Variants in CARF observed in about 807,000 individuals in gnomAD.
CARF encodes calcium responsive transcription factor, also known as calcium-responsive transcription factor.
CARF carries 57 observed loss-of-function variants against 82.0 expected under a neutral mutation model. The observed-to-expected ratio is 0.70, with a 90% CI of 0.56 to 0.87. The LOEUF is 0.87. Among genes scored for constraint, CARF ranks in the 40% least tolerant of loss-of-function variants. The probability of loss-of-function intolerance (pLI) is 0.00; values close to 1 mark genes in which losing one functional copy is unlikely to be tolerated. For synonymous variants in CARF, 268 were observed against 290.1 expected (o/e 0.92, Z 0.77); for missense variants, 771 against 855.8 (o/e 0.90, Z 1.24).
At chr2:202,942,244 G>GGT (rs2058263116) in intron 4 of CARF, among the ~76,000 whole-genome samples, 1 of 151,654 alleles carries the variant, frequency 6.6e-6, no homozygotes, top group Non-Finnish European at 1.5e-5. Context: ...CGTGGTGGTG[G>GGT]GTGCCTGTAA....
chr2:202,916,121 G>T (rs1689591099), intron 1 of CARF, among the ~76,000 whole-genome samples: 1 of 151,846 alleles, frequency 6.6e-6, no homozygotes, highest in Admixed American at 6.6e-5. Flanking sequence ...ACCTCTAAAA[G>T]ATGCGGTAAA....
intron 4 of CARF, among the ~76,000 whole-genome samples, chr2:202,942,335 C>G (rs1302818148): frequency 2.0e-5 from 3 of 151,048 alleles, no homozygotes; most frequent in African/African-American, 7.3e-5. Flanking sequence ...GATCACGCCA[C>G]TGCACTCCTG....
chr2:202,974,665 G>A (rs1354887108), intron 13 of CARF, among the ~76,000 whole-genome samples, 169 bp downstream of exon 13: 1 of 152,158 alleles, frequency 6.6e-6, no homozygotes, highest in African/African-American at 2.4e-5. Flanking sequence ...TTGGGAGGCC[G>A]AGACGGGTGG....
chr2:202,935,997 A>G (rs1281150466), intron 3 of CARF, among the ~76,000 whole-genome samples: 1 of 151,826 alleles, frequency 6.6e-6, no homozygotes, highest in African/African-American at 2.4e-5. Flanking sequence ...GTTTTTATTA[A>G]GTTTCTTGTA....
chr2:202,952,479 T>C, intron 5 of CARF, 80 bp from the exon 6 acceptor site: 1 of 1,335,262 alleles, frequency 7.5e-7, no homozygotes, highest in South Asian at 1.4e-5. Flanking sequence ...GGTATGTGTT[T>C]AATAATTTAT....
At chr2:202,975,047 G>C (rs374370014) in intron 13 of CARF, among the ~76,000 whole-genome samples, 3 of 151,474 alleles carry the variant, frequency 2.0e-5, no homozygotes, top group Non-Finnish European at 4.4e-5. Flanking sequence ...ACAGTGGCTT[G>C]TGCCTGTAAT....
chr2:202,916,984 G>A (rs991918921), intron 1 of CARF, among the ~76,000 whole-genome samples: 4 of 152,068 alleles, frequency 2.6e-5, no homozygotes, highest in Non-Finnish European at 5.9e-5. Flanking sequence ...GCCGAGGCGG[G>A]CGGATCACGA....
intron 3 of CARF, chr2:202,926,048 G>T: frequency 6.2e-6 from 1 of 161,472 alleles, no homozygotes; most frequent in South Asian, 1.7e-4. Context: ...GAAGAGGATC[G>T]AGATCCACAA....
Position 202,970,015 on chromosome 2 carries a change from T to G in CARF, c.1050T>G (p.Ala350=), listed in dbSNP as rs533930581. The G allele has an allele frequency of 6.3e-7, 1 of 1,579,982 alleles. No individual in the cohort carries two copies. The highest frequency in any genetic ancestry group is 1.2e-5 in the South Asian group (1 of 82,652). ...KKIIRMEQEK[A]FNMLKKNLVD... ...TTATCAGAATGGAGCAGGAGAAAGC[T>G]TTTAACATGCTAAAGAAGAACTTGG... The change falls in exon 11 of 17, where the codon GCT becomes GCG. Residue 350 remains alanine, a synonymous_variant. Coordinates refer to ENST00000438828, the MANE Select transcript of CARF (RefSeq NM_024744.17).
At chr2:202,923,616 A>G (rs1447480319) in intron 2 of CARF, among the ~76,000 whole-genome samples, 2 of 152,240 alleles carry the variant, frequency 1.3e-5, no homozygotes, top group Non-Finnish European at 1.5e-5. Context: ...CAGAATTAGA[A>G]AAAACAATCC....
rs772647421 is a variant in CARF at position 202,981,614 on chromosome 2, T to C, written c.1618T>C (p.Leu540=). Residue 540 remains leucine, a synonymous_variant, in exon 15 of 17, where the codon TTG becomes CTG. Coordinates refer to ENST00000438828, the MANE Select transcript of CARF (RefSeq NM_024744.17). ...KVETNQTRGS[L]SPEPTHLLSS... ...GGAAACAAATCAGACCAGGGGTTCT[T>C]TGTCTCCTGAGCCAACCCACTTGCT... is the stretch of plus-strand genomic sequence containing the variant. 3 of 1,611,610 alleles carry C rather than the reference T, an allele frequency of 1.9e-6. No homozygotes were observed. The highest frequency in any genetic ancestry group is 1.7e-6 in the Non-Finnish European group (2 of 1,178,374).
At chr2:202,916,856 T>A (rs1395585697) in intron 1 of CARF, among the ~76,000 whole-genome samples, 1 of 152,188 alleles carries the variant, frequency 6.6e-6, no homozygotes, top group East Asian at 1.9e-4. Context: ...GAATCGTCTC[T>A]ACCCCTCTGC....
Position 202,974,417 on chromosome 2 carries a change from TAAAAA to T in CARF, c.1417_1421del (p.Lys473SerfsTer4). 5.0e-6 allele frequency: 8 copies of T among 1,611,054 alleles called. No homozygotes were observed. Among genetic ancestry groups the T allele is most frequent in the Non-Finnish European group, 5.9e-6 (7 of 1,179,034 alleles). ...TCTTTTTTTCCAACTGTAAATGATA[TAAAAA>T]ATCACATCCATGAGGTACAGAAATC... On this transcript the variant is annotated frameshift_variant, in exon 13 of 17. Transcript: ENST00000438828. LOFTEE classifies it high-confidence loss of function.
intron 1 of CARF, among the ~76,000 whole-genome samples, chr2:202,913,497 GA>G (rs1689042142): frequency 6.6e-6 from 1 of 152,166 alleles, no homozygotes; most frequent in South Asian, 2.1e-4. Context: ...TTGCCAGCGT[GA>G]ATAGATAAGG....
chr2:202,933,768 A>G (rs1398711936), intron 3 of CARF, among the ~76,000 whole-genome samples: 1 of 152,124 alleles, frequency 6.6e-6, no homozygotes, highest in Non-Finnish European at 1.5e-5. Flanking sequence ...TGACGTGACT[A>G]CAGTATATTG....
chr2:202,944,650 C>T (rs76849941), intron 5 of CARF, among the ~76,000 whole-genome samples: 3,621 of 152,198 alleles, frequency 0.024, 152 homozygotes, highest in African/African-American at 0.083. Flanking sequence ...ACTGCATCAC[C>T]GGCAGAGGTT....
chr2:202,960,634 T>C (rs559730015), intron 8 of CARF, among the ~76,000 whole-genome samples: 5 of 152,294 alleles, frequency 3.3e-5, no homozygotes, highest in South Asian at 2.1e-4. Context: ...ACAGTTTTCA[T>C]TGGGTTTCTA....
chr2:202,979,558 T>C (rs937390155), intron 14 of CARF, among the ~76,000 whole-genome samples: 1 of 152,112 alleles, frequency 6.6e-6, no homozygotes, highest in Admixed American at 6.5e-5. Flanking sequence ...CCCAGCACTT[T>C]GGGAGGCCAA....
chr2:202,947,423 C>T (rs1229071075), intron 5 of CARF, among the ~76,000 whole-genome samples: 2 of 151,860 alleles, frequency 1.3e-5, no homozygotes, highest in Non-Finnish European at 2.9e-5. Flanking sequence ...GGGATTTGAA[C>T]AATGGGAACA....
Sources: gnomAD v4.1 joint callset for allele counts (sites outside exome capture counted in the v4.1 genomes callset) on GRCh38, gnomAD v4.1.1 for gene constraint, MANE v1.5 for transcripts, NCBI Gene and HGNC (gene_info 2026-07-23, HGNC 2026-07-21) for gene names.